The following CRADD variants were observed in gnomAD, a reference collection of about 807,000 sequenced individuals.
The protein encoded by CRADD is death domain-containing protein CRADD.
In CRADD, 9 loss-of-function variants were observed where a neutral mutation model predicts 15.5. That is an observed-to-expected ratio of 0.58 (90% CI 0.35 to 1.01). The LOEUF (loss-of-function observed/expected upper bound fraction) is 1.01, where lower values mean the gene tolerates loss of function less well. CRADD is among the 50% of genes least tolerant of loss of function. CRADD has a pLI of 0.02. For synonymous variants in CRADD, 118 were observed against 107.6 expected, an observed-to-expected ratio of 1.10 and a Z score of -0.60; for missense variants, 227 against 250.3, an observed-to-expected ratio of 0.91 and a Z score of 0.63.
chr12:93,875,361 TG>T (rs1958450960), intron 2 of CRADD, among the ~76,000 whole-genome samples: 1 of 152,060 alleles, frequency 6.6e-6, no homozygotes. Context: ...TCATCCAGTC[TG>T]TGTCTTTTGA....
At chr12:93,831,712 C>T (rs780682465) in intron 2 of CRADD, among the ~76,000 whole-genome samples, 2 of 152,242 alleles carry the variant, frequency 1.3e-5, no homozygotes, top group Non-Finnish European at 2.9e-5. Context: ...TAGTTCACTG[C>T]GGTATATGCC....
intron 2 of CRADD, among the ~76,000 whole-genome samples, chr12:93,710,888 G>A (rs1307035723): frequency 6.6e-6 from 1 of 152,020 alleles, no homozygotes; most frequent in Non-Finnish European, 1.5e-5. Flanking sequence ...TAAAAGATAG[G>A]TATTATTAGT....
At chr12:93,728,253 A>T (rs1956403901) in intron 2 of CRADD, among the ~76,000 whole-genome samples, 1 of 152,236 alleles carries the variant, frequency 6.6e-6, no homozygotes, top group African/African-American at 2.4e-5. Context: ...GAACTAATGA[A>T]ATATGGTAGC....
At chr12:93,865,708 C>T (rs971770943) in intron 2 of CRADD, among the ~76,000 whole-genome samples, 2 of 152,316 alleles carry the variant, frequency 1.3e-5, no homozygotes, top group Admixed American at 1.3e-4. Context: ...GGCTATCCTC[C>T]TGTATACTTT....
At chr12:93,880,827 G>A (rs768167689) in intron 2 of CRADD, among the ~76,000 whole-genome samples, 25 of 152,164 alleles carry the variant, frequency 1.6e-4, no homozygotes, top group Admixed American at 3.9e-4. Context: ...TTCAGAATCG[G>A]TACTTTTTCT....
intron 2 of CRADD, among the ~76,000 whole-genome samples, chr12:93,800,365 C>T (rs148654314): frequency 9.5e-4 from 145 of 152,138 alleles, no homozygotes; most frequent in Admixed American, 3.0e-3. Context: ...TATTTGGGCC[C>T]TCTACAGACT....
At chr12:93,703,641 C>T (rs1388733065) in intron 2 of CRADD, among the ~76,000 whole-genome samples, 2 of 151,880 alleles carry the variant, frequency 1.3e-5, no homozygotes, top group Non-Finnish European at 2.9e-5. Flanking sequence ...GGATTACAGG[C>T]AGGAACCACC....
intron 2 of CRADD, among the ~76,000 whole-genome samples, chr12:93,876,915 T>C (rs991321519): frequency 6.6e-5 from 10 of 152,120 alleles, no homozygotes; most frequent in African/African-American, 2.4e-4. Context: ...GAGTGAGGTA[T>C]TTATTGTAGT....
chr12:93,692,662 A>G (rs1955602963), intron 2 of CRADD, among the ~76,000 whole-genome samples: 1 of 152,178 alleles, frequency 6.6e-6, no homozygotes, highest in Non-Finnish European at 1.5e-5. Flanking sequence ...AGAGAATGAT[A>G]CTTTCCCAGA....
chr12:93,845,962 T>C lies in CRADD; in HGVS notation c.299-4008T>C, dbSNP rs138437750. 5.3e-4 allele frequency among the ~76,000 whole-genome samples: 71 copies of C among 133,672 alleles called. No homozygotes were observed. The East Asian group carries it at 0.011, about 21-fold the overall frequency. The allele number at this position is 133,672 out of a possible 152,430, so 87.7% of individuals were successfully genotyped here. A position where few individuals can be genotyped will look rare whatever the true frequency, so the allele number is the denominator to read the frequency against. Reference sequence around the variant, plus strand: ...CCCCATTTCTCCCTCCCCCACCCCCTGGCAACCAGCATTCTGCTTTCTGTA... The same window carrying C: ...CCCCATTTCTCCCTCCCCCACCCCCCGGCAACCAGCATTCTGCTTTCTGTA... On this transcript the variant is annotated intron_variant, in intron 2 of 2. Transcript: ENST00000332896.
chr12:93,879,691 A>G (rs1294766823), intron 2 of CRADD, among the ~76,000 whole-genome samples: 1 of 152,172 alleles, frequency 6.6e-6, no homozygotes, highest in East Asian at 1.9e-4. Flanking sequence ...TTAACAGTTC[A>G]ATAATAACTG....
chr12:93,693,071 A>G (rs1259802156), intron 2 of CRADD, among the ~76,000 whole-genome samples: 1 of 152,290 alleles, frequency 6.6e-6, no homozygotes, highest in East Asian at 1.9e-4. Flanking sequence ...TGGTAACCAT[A>G]AAACAAAAAC....
chr12:93,724,922 G>A (rs1261431021), intron 2 of CRADD, among the ~76,000 whole-genome samples: 19 of 151,862 alleles, frequency 1.3e-4, no homozygotes, highest in Admixed American at 8.5e-4. Context: ...GTGCAGTGGC[G>A]CGATCTCGGC....
At chr12:93,775,837 C>T (rs1179230400) in intron 2 of CRADD, among the ~76,000 whole-genome samples, 1 of 152,178 alleles carries the variant, frequency 6.6e-6, no homozygotes, top group African/African-American at 2.4e-5. Flanking sequence ...TTCATTTTCT[C>T]ACACCCTTCC....
At chr12:93,834,634 C>A (rs1843532) in intron 2 of CRADD, among the ~76,000 whole-genome samples, 73,617 of 151,904 alleles carry the variant, frequency 0.48, 19,488 homozygotes, top group African/African-American at 0.69. Context: ...GACTACAGGC[C>A]TGCGCCACCA....
intron 2 of CRADD, among the ~76,000 whole-genome samples, chr12:93,785,541 C>A (rs1405905916): frequency 1.3e-5 from 2 of 152,170 alleles, no homozygotes; most frequent in African/African-American, 4.8e-5. Flanking sequence ...CTGCTGGCAG[C>A]TCCTGGCAGA....
rs3030268 is a variant in CRADD, at chr12:93,773,813, GTTTTTTTTT to G, written c.299-76143_299-76135del. 2.9e-4 allele frequency among the ~76,000 whole-genome samples: 25 copies of G among 87,556 alleles called. 1 individual carries two copies. The Admixed American group carries it at 4.0e-3, about 14-fold the overall frequency. The allele number at this position is 87,556 out of a possible 152,430, so 57.4% of individuals were successfully genotyped here. A position where few individuals can be genotyped will look rare whatever the true frequency, so the allele number is the denominator to read the frequency against. On this transcript the variant is annotated intron_variant, in intron 2 of 2. Transcript: ENST00000332896. Reference sequence around the variant, plus strand: ...ACTCATAGCCATACCTACTTTGTGAGTTTTTTTTTTTTTTTTTTTTTTGAGACAGGGTCT... The same window carrying G: ...ACTCATAGCCATACCTACTTTGTGAGTTTTTTTTTTTTTGAGACAGGGTCT...
chr12:93,728,637 A>G (rs187749226), intron 2 of CRADD, among the ~76,000 whole-genome samples: 77 of 152,322 alleles, frequency 5.1e-4, no homozygotes, highest in African/African-American at 1.7e-3. Context: ...TATAGTAAAT[A>G]TAAACAAAAT....
intron 2 of CRADD, among the ~76,000 whole-genome samples, chr12:93,754,761 C>G (rs1956868710): frequency 6.6e-6 from 1 of 152,196 alleles, no homozygotes; most frequent in African/African-American, 2.4e-5. Context: ...AACTTTCTCA[C>G]ATCTTCCTGT....
Sources: allele counts gnomAD v4.1 joint callset (sites outside exome capture counted in the v4.1 genomes callset), GRCh38; gene constraint gnomAD v4.1.1; transcripts MANE v1.5; gene names NCBI Gene and HGNC (gene_info 2026-07-23, HGNC 2026-07-21).